Variants in OTUD7A observed in about 807,000 individuals in gnomAD.
OTUD7A encodes the protein OTU domain-containing protein 7A.
Under a neutral mutation model 65.7 loss-of-function variants are expected in OTUD7A, and 12 were observed. That is an observed-to-expected ratio of 0.18 (90% CI 0.12 to 0.30). The LOEUF is 0.30. Among genes scored for constraint, OTUD7A ranks in the 10% least tolerant of loss-of-function variants. The pLI, the probability that OTUD7A is intolerant of heterozygous loss-of-function variation, is 1.00. For missense variants in OTUD7A, 1,148 were observed against 1,304.8 expected, an observed-to-expected ratio of 0.88 and a Z score of 1.85; for synonymous variants, 641 against 586.3, an observed-to-expected ratio of 1.09 and a Z score of -1.35.
chr15:31,546,148 A>C (rs1164662686), intron 5 of OTUD7A, among the ~76,000 whole-genome samples: 1 of 152,192 alleles, frequency 6.6e-6, no homozygotes, highest in African/African-American at 2.4e-5. Flanking sequence ...AACATCTGAG[A>C]ATTTCAGTAT....
chr15:31,651,391 G>A (rs967518687), intron 3 of OTUD7A, among the ~76,000 whole-genome samples: 2 of 151,880 alleles, frequency 1.3e-5, no homozygotes, highest in African/African-American at 4.8e-5. Flanking sequence ...AATACTGCTT[G>A]TTCTCAGAGA....
At position 31,483,247 on chromosome 15, in the gene OTUD7A, G is replaced by A. The variant is rs1266116682; in HGVS notation, c.*47C>T. The A allele has an allele frequency of 1.9e-6, 2 of 1,063,268 alleles. No individual in the cohort carries two copies. Among genetic ancestry groups the A allele is most frequent in the Non-Finnish European group, 2.3e-6 (2 of 881,720 alleles). The allele number at this position is 1,063,268 out of a possible 1,614,324, so 65.9% of individuals were successfully genotyped here. ...AAAAAGACACCGACACAATGGAAAAGAAATCCTCGAAGGTAGAACCTCGCC... is the reference window on the plus strand; with the variant it reads ...AAAAAGACACCGACACAATGGAAAAAAAATCCTCGAAGGTAGAACCTCGCC... On this transcript the variant is annotated 3_prime_UTR_variant, in exon 13 of 13. Coordinates refer to ENST00000307050, the MANE Select transcript of OTUD7A (RefSeq NM_001382637.1).
chr15:31,483,114 A>T lies in OTUD7A; in HGVS notation c.*180T>A. On this transcript the variant is annotated 3_prime_UTR_variant, in exon 13 of 13. Transcript: ENST00000307050. Reference sequence around the variant, plus strand: ...ATGACTTGTTTCCTATCCGTCTACTACCTGAGTGGCGTCAGTGTAGGTTCA... The same window carrying T: ...ATGACTTGTTTCCTATCCGTCTACTTCCTGAGTGGCGTCAGTGTAGGTTCA... 2.2e-6 allele frequency: 1 copy of T among 452,758 alleles called. No individual in the cohort carries two copies. Among genetic ancestry groups the T allele is most frequent in the Non-Finnish European group, 3.0e-6 (1 of 336,482 alleles). The allele number at this position is 452,758 out of a possible 1,614,324, so 28.0% of individuals were successfully genotyped here.
intron 1 of OTUD7A, among the ~76,000 whole-genome samples, chr15:31,679,844 A>C (rs1171682297): frequency 6.6e-6 from 1 of 152,228 alleles, no homozygotes; most frequent in African/African-American, 2.4e-5. Context: ...GACAATAAAC[A>C]AAGTTCTATA....
Position 31,798,517 on chromosome 15 carries a change from C to G in OTUD7A, c.-100+71990G>C, listed in dbSNP as rs370107302. ...GGCAGCTCTGGCACTGACGAGTATT[C>G]TGAAGATGACCAGGCAGCATCAAGG... On this transcript the variant is annotated intron_variant, in intron 1 of 12. Coordinates refer to ENST00000307050, the MANE Select transcript of OTUD7A (RefSeq NM_001382637.1). 2.7e-4 allele frequency among the ~76,000 whole-genome samples: 41 copies of G among 152,298 alleles called. No homozygotes were observed. The South Asian group carries it at 7.7e-3, about 29-fold the overall frequency.
rs1283870439 is a variant in OTUD7A, at chr15:31,483,414, C to T, written c.2682G>A (p.Gln894=). The T allele has an allele frequency of 2.9e-6, 4 of 1,366,182 alleles. No individual in the cohort carries two copies. Among genetic ancestry groups the T allele is most frequent in the Non-Finnish European group, 2.8e-6 (3 of 1,059,144 alleles). 84.6% of individuals were successfully genotyped at this position (1,366,182 alleles called of 1,614,324 possible). The part of the protein sequence containing the change: ...ECGRGGPGPV[Q]RRCQRENCAF... ...CACAGTTCTCGCGCTGGCAGCGCCGCTGCACCGGCCCCGGGCCGCCACGGC... is the reference window on the plus strand; with the variant it reads ...CACAGTTCTCGCGCTGGCAGCGCCGTTGCACCGGCCCCGGGCCGCCACGGC... Residue 894 remains glutamine, a synonymous_variant, in exon 13 of 13, where the codon CAG becomes CAA. Coordinates refer to ENST00000307050, the MANE Select transcript of OTUD7A (RefSeq NM_001382637.1).
intron 3 of OTUD7A, among the ~76,000 whole-genome samples, chr15:31,633,076 T>C (rs1415245510): frequency 2.0e-5 from 3 of 152,200 alleles, no homozygotes; most frequent in Non-Finnish European, 4.4e-5. Flanking sequence ...GCTTCCCGAG[T>C]GAGGCAATGC....
chr15:31,511,948 T>C (rs1266983177), intron 8 of OTUD7A, among the ~76,000 whole-genome samples: 1 of 151,960 alleles, frequency 6.6e-6, no homozygotes, highest in Non-Finnish European at 1.5e-5. Context: ...CCCCACTCAG[T>C]GGGGATTTTT....
intron 1 of OTUD7A, among the ~76,000 whole-genome samples, chr15:31,802,228 G>A (rs1896152068): frequency 6.6e-6 from 1 of 151,814 alleles, no homozygotes; most frequent in South Asian, 2.1e-4. Context: ...AGGCTGTGGG[G>A]CAAGGAGAGC....
At chr15:31,807,210 G>A (rs1039907436) in intron 1 of OTUD7A, among the ~76,000 whole-genome samples, 1 of 152,050 alleles carries the variant, frequency 6.6e-6, no homozygotes, top group Non-Finnish European at 1.5e-5. Context: ...AGGTGAAATC[G>A]AGCCTCGGAG....
At chr15:31,841,352 T>C (rs2140994186) in intron 1 of OTUD7A, among the ~76,000 whole-genome samples, 1 of 152,246 alleles carries the variant, frequency 6.6e-6, no homozygotes. Context: ...GGCTGCTGAA[T>C]GGTGGATGTC....
intron 3 of OTUD7A, among the ~76,000 whole-genome samples, chr15:31,610,617 A>ATATTTTTTTTTTTT: frequency 2.3e-4 from 7 of 30,560 alleles, no homozygotes; most frequent in African/African-American, 6.8e-4. Flanking sequence ...ATATATATAT[A>ATATTTTTTTTTTTT]TTTTTTTTTT....
intron 3 of OTUD7A, among the ~76,000 whole-genome samples, chr15:31,626,724 T>A (rs1053417160): frequency 8.6e-5 from 13 of 151,986 alleles, no homozygotes; most frequent in African/African-American, 3.1e-4. Context: ...TACAGGTGTG[T>A]GCCACCATAC....
In OTUD7A at chr15:31,559,109, C is replaced by A; in HGVS notation, c.410G>T (p.Cys137Phe). ...SLARSHVASE[C>F]NNEQFPLEMP... ...CTCCAGGGGGAACTGCTCGTTGTTG[C>A]ATTCACTTGCCACGTGGGACCGGGC... Residue 137 changes from cysteine (C) to phenylalanine (F), a missense_variant, in exon 5 of 13, where the codon TGC becomes TTC. By Grantham distance (205) the Cys-to-Phe change is radical (BLOSUM62 -2). This residue lies in a region of OTUD7A where 134 missense variants were observed against 252.6 expected (regional missense o/e 0.53). Transcript: ENST00000307050. 1 of 1,614,202 alleles carries A rather than the reference C, an allele frequency of 6.2e-7. No individual in the cohort carries two copies. Among genetic ancestry groups the A allele is most frequent in the Non-Finnish European group, 8.5e-7 (1 of 1,180,026 alleles).
intron 1 of OTUD7A, among the ~76,000 whole-genome samples, chr15:31,762,877 C>T (rs1285046603): frequency 6.6e-6 from 1 of 152,122 alleles, no homozygotes; most frequent in South Asian, 2.1e-4. Flanking sequence ...ATCTTTACTA[C>T]AAGAAAAGAG....
chr15:31,545,055 T>C (rs937421079), intron 5 of OTUD7A, among the ~76,000 whole-genome samples: 1 of 151,678 alleles, frequency 6.6e-6, no homozygotes, highest in Non-Finnish European at 1.5e-5. Flanking sequence ...AAAGGAAAAA[T>C]TATAATAAGT....
chr15:31,576,408 C>T (rs1055032402), intron 3 of OTUD7A, among the ~76,000 whole-genome samples: 2 of 152,202 alleles, frequency 1.3e-5, no homozygotes, highest in African/African-American at 4.8e-5. Flanking sequence ...ATTCCTCTAC[C>T]TGCCTCTCAC....
Position 31,479,221 on chromosome 15 carries a change from G to C in OTUD7A, c.*4073C>G, listed in dbSNP as rs531733895. 2 of 152,366 alleles carry C rather than the reference G, an allele frequency of 1.3e-5. No individual in the cohort carries two copies. Among genetic ancestry groups the C allele is most frequent in the South Asian group, 2.1e-4 (1 of 4,822 alleles). 9.4% of individuals were successfully genotyped at this position (152,366 alleles called of 1,614,324 possible). A position where few individuals can be genotyped will look rare whatever the true frequency, so the allele number is the denominator to read the frequency against. On this transcript the variant is annotated 3_prime_UTR_variant, in exon 13 of 13. Coordinates refer to ENST00000307050, the MANE Select transcript of OTUD7A (RefSeq NM_001382637.1). ...CTGGCAGCAGAACCGGACTCAACTA[G>C]AGCAGGGGCCGCCTCTGCAGCCCAG...
rs998130847 is a variant in OTUD7A at position 31,604,450 on chromosome 15, G to C, written c.152-34253C>G. 2.6e-5 allele frequency among the ~76,000 whole-genome samples: 4 copies of C among 152,258 alleles called. No individual in the cohort carries two copies. In the East Asian group the frequency reaches 5.8e-4, roughly 22 times the overall value. Reference sequence around the variant, plus strand: ...CACACATCGGGGCCTGTTGAGGGGTGGGGGGCCAAGGGAGGGATAGCATTA... The same window carrying C: ...CACACATCGGGGCCTGTTGAGGGGTCGGGGGCCAAGGGAGGGATAGCATTA... On this transcript the variant is annotated intron_variant, in intron 3 of 12. Transcript: ENST00000307050.
Sources: gnomAD v4.1 joint callset for allele counts (sites outside exome capture counted in the v4.1 genomes callset) on GRCh38, gnomAD v4.1.1 for gene constraint, gnomAD v4.1.1 regional missense constraint, MANE v1.5 for transcripts, NCBI Gene and HGNC (gene_info 2026-07-23, HGNC 2026-07-21) for gene names.